TANGO2: variants seen among roughly 807,000 people sequenced by gnomAD.
The protein encoded by TANGO2 is transport and golgi organization 2 homolog, also known as transport and Golgi organization protein 2 homolog.
In TANGO2, 26 loss-of-function variants were observed where a neutral mutation model predicts 39.1. That is an observed-to-expected ratio of 0.67 (90% CI 0.49 to 0.92). TANGO2 has a LOEUF of 0.92. Among genes scored for constraint, TANGO2 ranks in the 40% least tolerant of loss-of-function variants. The pLI is 0.00. For missense variants in TANGO2, 326 were observed against 360.1 expected (o/e 0.91, Z 0.77); for synonymous variants, 131 against 144.5 (o/e 0.91, Z 0.67).
intron 3 of TANGO2, among the ~76,000 whole-genome samples, chr22:20,050,605 G>A (rs1602206263): frequency 2.7e-5 from 4 of 150,010 alleles, no homozygotes; most frequent in South Asian, 2.1e-4. Flanking sequence ...CTCGTGATCC[G>A]CCCGCCTTGG....
rs199986895 is a variant in TANGO2 at position 20,053,575 on chromosome 22, C to T, written c.380+24C>T. 41 of 1,497,276 alleles carry T rather than the reference C, an allele frequency of 2.7e-5. No homozygotes were observed. The East Asian group carries it at 3.8e-4, about 14-fold the overall frequency. The allele number at this position is 1,497,276 out of a possible 1,614,324, so 92.7% of individuals were successfully genotyped here. A position where few individuals can be genotyped will look rare whatever the true frequency, so the allele number is the denominator to read the frequency against. ...AGGTGGGTCTGCCAGAGGGGGATGGCGGCTCTGCCCAGCACTGCCTCGGGG... is the reference window on the plus strand; with the variant it reads ...AGGTGGGTCTGCCAGAGGGGGATGGTGGCTCTGCCCAGCACTGCCTCGGGG... On this transcript the variant is annotated intron_variant, in intron 5 of 8. Coordinates refer to ENST00000327374, the MANE Select transcript of TANGO2 (RefSeq NM_152906.7).
At chr22:20,042,280 C>T (rs1447079571) in intron 2 of TANGO2, among the ~76,000 whole-genome samples, 1 of 152,150 alleles carries the variant, frequency 6.6e-6, no homozygotes, top group Non-Finnish European at 1.5e-5. Context: ...ATCCACTGTG[C>T]CTGGCCCAGC....
intron 2 of TANGO2, among the ~76,000 whole-genome samples, chr22:20,039,490 A>G (rs1476863401): frequency 1.3e-5 from 2 of 151,786 alleles, no homozygotes; most frequent in Non-Finnish European, 2.9e-5. Flanking sequence ...TTAGCCTGGC[A>G]TGGTGGCGCA....
chr22:20,039,904 C>T (rs762125707), intron 2 of TANGO2, among the ~76,000 whole-genome samples: 5 of 151,366 alleles, frequency 3.3e-5, no homozygotes, highest in South Asian at 2.1e-4. Flanking sequence ...ACGCACTCAC[C>T]CTGCCTAGCA....
chr22:20,024,992 C>G (rs1013380128), intron 1 of TANGO2, among the ~76,000 whole-genome samples: 3 of 151,936 alleles, frequency 2.0e-5, no homozygotes, highest in African/African-American at 4.8e-5. Flanking sequence ...TTCCTTCCCT[C>G]TCTTCCCTGC....
intron 6 of TANGO2, among the ~76,000 whole-genome samples, chr22:20,058,730 AAG>A (rs995253997): frequency 1.3e-5 from 2 of 151,972 alleles, no homozygotes; most frequent in African/African-American, 2.4e-5. Flanking sequence ...GCAGACCCGG[AAG>A]AGAGAGTCTC....
intron 6 of TANGO2, chr22:20,061,307 G>A (rs897007326): frequency 6.1e-6 from 3 of 489,024 alleles, no homozygotes; most frequent in Non-Finnish European, 1.1e-5. Context: ...GTGGTCTCCT[G>A]TGGGTGCCCG....
At chr22:20,048,078 C>A (rs934556054) in intron 3 of TANGO2, 1 of 152,152 alleles carries the variant, frequency 6.6e-6, no homozygotes, top group African/African-American at 2.4e-5. Context: ...CCGCTTGCCA[C>A]CACGCCCAGC....
chr22:20,025,524 C>T (rs927879137), intron 1 of TANGO2, among the ~76,000 whole-genome samples: 2 of 152,166 alleles, frequency 1.3e-5, no homozygotes, highest in African/African-American at 4.8e-5. Context: ...CCGTCCATAT[C>T]ACACCACCAC....
intron 2 of TANGO2, among the ~76,000 whole-genome samples, chr22:20,038,482 C>T (rs1602008835): frequency 6.6e-6 from 1 of 152,110 alleles, no homozygotes. Flanking sequence ...GGGTGCTGGT[C>T]AGTGCCACCC....
chr22:20,059,345 G>A (rs2047947590), intron 6 of TANGO2, among the ~76,000 whole-genome samples: 1 of 152,192 alleles, frequency 6.6e-6, no homozygotes, highest in Non-Finnish European at 1.5e-5. Context: ...TGCTCACAGT[G>A]TGACCTCACA....
At chr22:20,026,770 C>A in intron 1 of TANGO2, among the ~76,000 whole-genome samples, 1 of 152,210 alleles carries the variant, frequency 6.6e-6, no homozygotes, top group Non-Finnish European at 1.5e-5. Flanking sequence ...CCCATAAAAC[C>A]CTGGCGGGAA....
rs1289206382 is a variant in TANGO2, at chr22:20,066,257, G to A, written c.*1595G>A. On this transcript the variant is annotated 3_prime_UTR_variant, in exon 9 of 9. Transcript: ENST00000327374. Reference sequence around the variant, plus strand: ...GGCCAGGGGATGGTAGGAGGGGCAGGAGAGCAGGTCTGCATCTGTCTCAGC... The same window carrying A: ...GGCCAGGGGATGGTAGGAGGGGCAGAAGAGCAGGTCTGCATCTGTCTCAGC... 1 of 153,094 alleles carries A rather than the reference G, an allele frequency of 6.5e-6. No individual in the cohort carries two copies. 9.5% of individuals were successfully genotyped at this position (153,094 alleles called of 1,614,324 possible).
chr22:20,029,305 C>T (rs1324766483), intron 1 of TANGO2, among the ~76,000 whole-genome samples: 1 of 152,136 alleles, frequency 6.6e-6, no homozygotes, highest in Admixed American at 6.5e-5. Context: ...GCAGAGAGGA[C>T]GGTGCACGCT....
chr22:20,043,831 G>A (rs925086916), intron 3 of TANGO2, among the ~76,000 whole-genome samples: 2 of 152,176 alleles, frequency 1.3e-5, no homozygotes, highest in Non-Finnish European at 2.9e-5. Flanking sequence ...GCGTGTGTGT[G>A]CCTGTGTTTG....
At chr22:20,045,077 T>A (rs2044853723) in intron 3 of TANGO2, among the ~76,000 whole-genome samples, 1 of 152,164 alleles carries the variant, frequency 6.6e-6, no homozygotes, top group African/African-American at 2.4e-5. Context: ...TGCAAAAGTT[T>A]AGGACAGTGG....
chr22:20,019,716 C>A (rs1254231847), upstream of TANGO2, among the ~76,000 whole-genome samples: 1 of 152,242 alleles, frequency 6.6e-6, no homozygotes, highest in Non-Finnish European at 1.5e-5. Flanking sequence ...CAGTCCATCA[C>A]CCCCAAGCCC....
At chr22:20,054,817 G>A (rs2047041659) in intron 5 of TANGO2, 1 of 152,412 alleles carries the variant, frequency 6.6e-6, no homozygotes, top group East Asian at 1.9e-4. Flanking sequence ...CCCTGGGTGA[G>A]GCCTGCCCTC....
chr22:20,056,220 C>G, intron 6 of TANGO2: 2 of 695,198 alleles, frequency 2.9e-6, no homozygotes, highest in South Asian at 3.0e-5. Flanking sequence ...TCCCCATGGG[C>G]TTTTCCTGCT....
Sources: gnomAD v4.1 joint callset for allele counts (sites outside exome capture counted in the v4.1 genomes callset) on GRCh38, gnomAD v4.1.1 for gene constraint, MANE v1.5 for transcripts, NCBI Gene and HGNC (gene_info 2026-07-23, HGNC 2026-07-21) for gene names.